Variants in DLG2 observed in about 807,000 individuals in gnomAD.
DLG2 encodes discs large MAGUK scaffold protein 2, also known as disks large homolog 2.
A neutral mutation model predicts 132.5 loss-of-function variants in DLG2; 45 were observed. That is an observed-to-expected ratio of 0.34 (90% CI 0.27 to 0.44). The LOEUF is 0.44. DLG2 is among the 20% of genes least tolerant of loss of function. The probability of loss-of-function intolerance (pLI) is 1.00; values close to 1 mark genes in which losing one functional copy is unlikely to be tolerated. For synonymous variants in DLG2, 424 were observed against 419.6 expected (o/e 1.01, Z -0.13); for missense variants, 1,045 against 1,196.9 (o/e 0.87, Z 1.87).
At chr11:83,499,848 AGG>A (rs1375724258) in intron 21 of DLG2, among the ~76,000 whole-genome samples, 2 of 81,278 alleles carry the variant, frequency 2.5e-5, no homozygotes, top group Admixed American at 1.6e-4. Context: ...CTCCACTAAT[AGG>A]AGATATATAT....
At chr11:84,156,206 A>G (rs2095425976) in intron 9 of DLG2, among the ~76,000 whole-genome samples, 1 of 152,202 alleles carries the variant, frequency 6.6e-6, no homozygotes, top group African/African-American at 2.4e-5. Context: ...TCAGCCATAG[A>G]CAACTTTGAT....
At chr11:85,012,797 A>C in intron 6 of DLG2, among the ~76,000 whole-genome samples, 1 of 152,130 alleles carries the variant, frequency 6.6e-6, no homozygotes, top group Non-Finnish European at 1.5e-5. Flanking sequence ...TGCTAAAGTG[A>C]TTTTAAGAAA....
At chr11:83,505,227 T>C (rs746414301) in intron 21 of DLG2, among the ~76,000 whole-genome samples, 5 of 152,222 alleles carry the variant, frequency 3.3e-5, no homozygotes, top group Non-Finnish European at 5.9e-5. Context: ...ACCAGGTAGC[T>C]GGCTGATCAC....
At chr11:84,985,882 C>T (rs1216170528) in intron 6 of DLG2, among the ~76,000 whole-genome samples, 1 of 148,004 alleles carries the variant, frequency 6.8e-6, no homozygotes, top group African/African-American at 2.5e-5. Flanking sequence ...ACCCCAGCTG[C>T]TCAGGAGGGT....
intron 3 of DLG2, among the ~76,000 whole-genome samples, chr11:85,291,159 T>A (rs910135824): frequency 6.6e-6 from 1 of 151,966 alleles, no homozygotes; most frequent in Non-Finnish European, 1.5e-5. Flanking sequence ...TAGGCAAACT[T>A]CAAATATAAG....
chr11:83,850,629 T>G (rs1180361488), intron 16 of DLG2, among the ~76,000 whole-genome samples: 1 of 152,130 alleles, frequency 6.6e-6, no homozygotes, highest in Non-Finnish European at 1.5e-5. Flanking sequence ...AGGGGTGTGG[T>G]GGAGACATGA....
chr11:84,316,466 T>C (rs2098356709), intron 7 of DLG2, among the ~76,000 whole-genome samples: 1 of 152,144 alleles, frequency 6.6e-6, no homozygotes, highest in African/African-American at 2.4e-5. Context: ...TTAAAATTTA[T>C]TTTTTCTCTG....
intron 18 of DLG2, among the ~76,000 whole-genome samples, chr11:83,724,106 G>C (rs190063819): frequency 1.3e-5 from 2 of 152,270 alleles, no homozygotes; most frequent in African/African-American, 4.8e-5. Flanking sequence ...GAGGATGTTA[G>C]AGTCTAGCTT....
chr11:85,158,944 A>G (rs534731427), intron 4 of DLG2, among the ~76,000 whole-genome samples: 2 of 152,328 alleles, frequency 1.3e-5, no homozygotes, highest in African/African-American at 4.8e-5. Flanking sequence ...CAATTTCCAC[A>G]CTTGAGTCAG....
chr11:85,097,516 A>C (rs1433732798), intron 6 of DLG2, among the ~76,000 whole-genome samples: 1 of 152,242 alleles, frequency 6.6e-6, no homozygotes, highest in Admixed American at 6.5e-5. Context: ...CAAAATGAAT[A>C]ATGGTGATGA....
At chr11:84,294,391 A>G (rs781012050) in intron 7 of DLG2, among the ~76,000 whole-genome samples, 21 of 152,286 alleles carry the variant, frequency 1.4e-4, no homozygotes, top group Non-Finnish European at 2.5e-4. Context: ...TGAGGTCAGG[A>G]GTTTGAGACC....
chr11:83,549,182 G>A (rs1432054), intron 19 of DLG2, among the ~76,000 whole-genome samples: 100,092 of 151,920 alleles, frequency 0.66, 33,415 homozygotes, highest in Middle Eastern at 0.77. Flanking sequence ...CACTAGCAAC[G>A]GAAAATAAAG....
intron 10 of DLG2, among the ~76,000 whole-genome samples, chr11:84,076,890 A>G (rs1405537220): frequency 6.6e-6 from 1 of 152,164 alleles, no homozygotes; most frequent in Non-Finnish European, 1.5e-5. Flanking sequence ...AAGTCTCTCA[A>G]ATTATTATGC....
chr11:83,467,764 ACTATAT>A (rs201210606), intron 25 of DLG2, among the ~76,000 whole-genome samples: 2,731 of 77,774 alleles, frequency 0.035, 135 homozygotes, highest in African/African-American at 0.071. Flanking sequence ...AAAAATAAAA[ACTATAT>A]GTATATATAT....
At position 84,403,217 on chromosome 11, in the gene DLG2, G is replaced by T. The variant is rs369776731; in HGVS notation, c.519+131353C>A. Among the ~76,000 whole-genome samples the T allele has an allele frequency of 8.9e-4, 136 of 152,270 alleles. 2 individuals carry two copies. The highest frequency in any genetic ancestry group is 3.2e-3 in the African/African-American group (135 of 41,552). On this transcript the variant is annotated intron_variant, in intron 7 of 27. Coordinates refer to ENST00000376104, the MANE Select transcript of DLG2 (RefSeq NM_001142699.3). Reference sequence around the variant, plus strand: ...TCCATTTGGGAGTCACTCAAAAACTGCTGTGGTAGTGACAAAGCTATTCAT... The same window carrying T: ...TCCATTTGGGAGTCACTCAAAAACTTCTGTGGTAGTGACAAAGCTATTCAT...
At chr11:84,523,621 TA>T (rs2099311176) in intron 7 of DLG2, among the ~76,000 whole-genome samples, 3 of 152,236 alleles carry the variant, frequency 2.0e-5, no homozygotes, top group Non-Finnish European at 4.4e-5. Flanking sequence ...CGTATCATTT[TA>T]GGGTACCACT....
chr11:84,378,838 A>C (rs1163009553), intron 7 of DLG2, among the ~76,000 whole-genome samples: 1 of 126,562 alleles, frequency 7.9e-6, no homozygotes, highest in African/African-American at 4.8e-5. Context: ...ACAGATACTC[A>C]GGAGGCTGAG....
chr11:84,856,689 T>C (rs2082832134), intron 6 of DLG2, among the ~76,000 whole-genome samples: 1 of 152,008 alleles, frequency 6.6e-6, no homozygotes, highest in Non-Finnish European at 1.5e-5. Flanking sequence ...TCAGATCATA[T>C]CCCACTCCTG....
chr11:83,663,964 G>A (rs1380012696), intron 18 of DLG2, among the ~76,000 whole-genome samples: 4 of 152,114 alleles, frequency 2.6e-5, no homozygotes, highest in Non-Finnish European at 5.9e-5. Context: ...AACTGATCTG[G>A]GTTTTCATCC....
Sources: gnomAD v4.1 joint callset for allele counts (sites outside exome capture counted in the v4.1 genomes callset) on GRCh38, gnomAD v4.1.1 for gene constraint, MANE v1.5 for transcripts, NCBI Gene and HGNC (gene_info 2026-07-23, HGNC 2026-07-21) for gene names.